Variants in SLC44A1 observed in about 807,000 individuals in gnomAD.
SLC44A1 encodes the protein choline transporter-like protein 1.
A neutral mutation model predicts 79.3 loss-of-function variants in SLC44A1; 26 were observed. That is an observed-to-expected ratio of 0.33 (90% CI 0.24 to 0.46). SLC44A1 has a LOEUF of 0.46. SLC44A1 is among the 20% of genes least tolerant of loss of function. The probability of loss-of-function intolerance (pLI) is 1.00; values close to 1 mark genes in which losing one functional copy is unlikely to be tolerated. For missense variants in SLC44A1, 688 were observed against 798.1 expected (o/e 0.86, Z 1.66); for synonymous variants, 263 against 286.2 (o/e 0.92, Z 0.82).
At chr9:105,312,871 G>A (rs1477560594) in intron 3 of SLC44A1, among the ~76,000 whole-genome samples, 1 of 151,992 alleles carries the variant, frequency 6.6e-6, no homozygotes, top group Non-Finnish European at 1.5e-5. Flanking sequence ...CCTTTATACT[G>A]TGATAAGATT....
chr9:105,303,918 G>A (rs1263124522), intron 2 of SLC44A1, among the ~76,000 whole-genome samples: 1 of 152,322 alleles, frequency 6.6e-6, no homozygotes, highest in East Asian at 1.9e-4. Flanking sequence ...GGAGAAAGGA[G>A]ACTGCAGTCT....
chr9:105,280,176 G>A (rs560621809), intron 1 of SLC44A1, among the ~76,000 whole-genome samples: 2 of 152,296 alleles, frequency 1.3e-5, no homozygotes, highest in East Asian at 3.9e-4. Flanking sequence ...TAAGCAAGAA[G>A]CATAAAGGGA....
intron 3 of SLC44A1, among the ~76,000 whole-genome samples, chr9:105,332,660 C>T (rs2131353511): frequency 6.6e-6 from 1 of 152,192 alleles, no homozygotes; most frequent in East Asian, 1.9e-4. Flanking sequence ...TTTTGGGGGC[C>T]TACTTGGTTC....
intron 3 of SLC44A1, 126 bp from the exon 4 acceptor site, chr9:105,335,437 T>C: frequency 1.6e-6 from 1 of 635,430 alleles, no homozygotes; most frequent in Non-Finnish European, 2.6e-6. Flanking sequence ...AAAATGTATT[T>C]ATGATGAGAT....
chr9:105,429,956 G>A (rs1829371420), intron 15 of SLC44A1, among the ~76,000 whole-genome samples: 1 of 151,998 alleles, frequency 6.6e-6, no homozygotes, highest in Non-Finnish European at 1.5e-5. Context: ...GAGTGCAGTG[G>A]CATGATTACA....
At chr9:105,348,267 T>C (rs902674464) in intron 4 of SLC44A1, 91 bp from the exon 5 acceptor site, 2 of 673,790 alleles carry the variant, frequency 3.0e-6, no homozygotes, top group Non-Finnish European at 5.3e-6. Context: ...GTTTGGAAAG[T>C]TGCATATGTT....
chr9:105,356,384 A>G lies in SLC44A1; in HGVS notation c.670+3A>G, dbSNP rs1827623938. On this transcript the variant is annotated splice_donor_region_variant and intron_variant, in intron 6 of 15. Transcript: ENST00000374720. The stretch of plus-strand genomic sequence containing the variant: ...GGGACTTTGCTTGTTATCACTAGGT[A>G]ATTGTTTTTCTCATTATTAGCTATT... 1 of 1,578,732 alleles carries G rather than the reference A, an allele frequency of 6.3e-7. No individual in the cohort carries two copies. The highest frequency in any genetic ancestry group is 8.6e-7 in the Non-Finnish European group (1 of 1,161,544).
At chr9:105,361,060 T>G in intron 7 of SLC44A1, 131 bp from the exon 8 acceptor site, 2 of 879,568 alleles carry the variant, frequency 2.3e-6, no homozygotes, top group Non-Finnish European at 3.7e-6. Context: ...GCTATGTACT[T>G]CCCAGCCAAA....
At chr9:105,410,359 G>A (rs183330299) in intron 15 of SLC44A1, among the ~76,000 whole-genome samples, 8 of 152,298 alleles carry the variant, frequency 5.3e-5, no homozygotes, top group Admixed American at 1.3e-4. Context: ...TCCAGAATAT[G>A]TGAACAACTC....
intron 1 of SLC44A1, among the ~76,000 whole-genome samples, chr9:105,256,666 T>C (rs1239580723): frequency 6.6e-6 from 1 of 151,522 alleles, no homozygotes; most frequent in Non-Finnish European, 1.5e-5. Flanking sequence ...GGGCTCAAGC[T>C]ATCCTCCTGG....
chr9:105,306,660 A>G (rs985699040), intron 2 of SLC44A1, among the ~76,000 whole-genome samples: 1 of 150,660 alleles, frequency 6.6e-6, no homozygotes, highest in Non-Finnish European at 1.5e-5. Flanking sequence ...TTTAGCATAT[A>G]TATGTAACAT....
chr9:105,249,497 G>T (rs1375388101), intron 1 of SLC44A1, among the ~76,000 whole-genome samples: 1 of 151,108 alleles, frequency 6.6e-6, no homozygotes, highest in African/African-American at 2.4e-5. Flanking sequence ...AGTTAATTTC[G>T]AAATTGGAAA....
In SLC44A1 at chr9:105,391,322, A is replaced by G. The variant is rs775025365; in HGVS notation, c.*2266A>G. The G allele has an allele frequency of 3.0e-6, 3 of 985,586 alleles. No homozygotes were observed. Among genetic ancestry groups the G allele is most frequent in the Non-Finnish European group, 3.6e-6 (3 of 829,790 alleles). The allele number at this position is 985,586 out of a possible 1,614,324, so 61.1% of individuals were successfully genotyped here. A position where few individuals can be genotyped will look rare whatever the true frequency, so the allele number is the denominator to read the frequency against. ...CAACTAGAACTGTAATCAGAAAGAAATTTTGTATTTTTGTATAACTTGATT... is the reference window on the plus strand; with the variant it reads ...CAACTAGAACTGTAATCAGAAAGAAGTTTTGTATTTTTGTATAACTTGATT... On this transcript the variant is annotated 3_prime_UTR_variant, in exon 16 of 16. Coordinates refer to ENST00000374720, the MANE Select transcript of SLC44A1 (RefSeq NM_080546.5).
chr9:105,335,712 G>A lies in SLC44A1; in HGVS notation c.406+13G>A, dbSNP rs761723926. 20 of 1,609,674 alleles carry A rather than the reference G, an allele frequency of 1.2e-5. No individual in the cohort carries two copies. Among genetic ancestry groups the A allele is most frequent in the Non-Finnish European group, 1.6e-5 (19 of 1,177,780 alleles). Reference sequence around the variant, plus strand: ...GCAGAGATAAATGGTGAGACATTAGGCCATCCAAATCTATGTCCTGTCACC... The same window carrying A: ...GCAGAGATAAATGGTGAGACATTAGACCATCCAAATCTATGTCCTGTCACC... On this transcript the variant is annotated intron_variant, in intron 4 of 15. Transcript: ENST00000374720.
chr9:105,370,639 CA>C (rs1828067779), intron 12 of SLC44A1, among the ~76,000 whole-genome samples: 2 of 151,872 alleles, frequency 1.3e-5, no homozygotes, highest in South Asian at 2.1e-4. Flanking sequence ...ATGAGGGAAA[CA>C]AAAAAAGCTT....
chr9:105,365,964 T>C (rs1479379988), intron 11 of SLC44A1, among the ~76,000 whole-genome samples: 1 of 152,216 alleles, frequency 6.6e-6, no homozygotes, highest in Admixed American at 6.5e-5. Flanking sequence ...TCTACTCCTT[T>C]GTAGAAACCT....
chr9:105,376,620 C>G (rs536746176), intron 13 of SLC44A1, among the ~76,000 whole-genome samples: 9 of 152,182 alleles, frequency 5.9e-5, no homozygotes, highest in African/African-American at 2.2e-4. Context: ...GTGATCTGCC[C>G]ACCTCGGCCT....
At chr9:105,415,017 G>C (rs1241677369) in intron 15 of SLC44A1, among the ~76,000 whole-genome samples, 1 of 152,010 alleles carries the variant, frequency 6.6e-6, no homozygotes, top group African/African-American at 2.4e-5. Flanking sequence ...ACATAAGAAA[G>C]GAAAGGTCAA....
Position 105,294,867 on chromosome 9 carries a change from CTGTGTGTGTGTGTGTGTGTG to C in SLC44A1, c.37-4329_37-4310del, listed in dbSNP as rs58548571. On this transcript the variant is annotated intron_variant, in intron 1 of 15. Transcript: ENST00000374720. ...TTATTCTGGTTTTTAAATTTTGAGT[CTGTGTGTGTGTGTGTGTGTG>C]TGTGTGTGTGTGTGTGTGTGTGTTT... 473 of 130,908 alleles carry C rather than the reference CTGTGTGTGTGTGTGTGTGTG, an allele frequency of 3.6e-3. 4 individuals are homozygous for C. The highest frequency in any genetic ancestry group is 0.013 in the African/African-American group (440 of 34,984). 8.1% of individuals were successfully genotyped at this position (130,908 alleles called of 1,614,324 possible). A position where few individuals can be genotyped will look rare whatever the true frequency, so the allele number is the denominator to read the frequency against.
Sources: allele counts gnomAD v4.1 joint callset (sites outside exome capture counted in the v4.1 genomes callset), GRCh38; gene constraint gnomAD v4.1.1; transcripts MANE v1.5; gene names NCBI Gene and HGNC (gene_info 2026-07-23, HGNC 2026-07-21).